The following FGF13 variants were observed in gnomAD, a reference collection of about 807,000 sequenced individuals.
FGF13 encodes the protein fibroblast growth factor homologous factor 2.
In FGF13, 2 loss-of-function variants were observed where a neutral mutation model predicts 19.5. That is an observed-to-expected ratio of 0.10 (90% CI 0.04 to 0.32). FGF13 has a LOEUF of 0.32. Ranked by LOEUF, FGF13 falls within the 10% of genes least tolerant of loss-of-function variation. The probability of loss-of-function intolerance (pLI) is 1.00; values close to 1 mark genes in which losing one functional copy is unlikely to be tolerated. For missense variants in FGF13, 113 were observed against 192.7 expected, an observed-to-expected ratio of 0.59 and a Z score of 2.45; for synonymous variants, 72 against 76.9, an observed-to-expected ratio of 0.94 and a Z score of 0.33.
intron 1 of FGF13, among the ~76,000 whole-genome samples, chrX:138,725,670 T>C: frequency 9.0e-6 from 1 of 111,556 alleles, no homozygotes; most frequent in Admixed American, 9.5e-5. Flanking sequence ...AGTAGAGAAA[T>C]GCCATTTAGG....
intron 1 of FGF13, among the ~76,000 whole-genome samples, chrX:139,058,498 C>T (rs1286564678): frequency 9.0e-6 from 1 of 111,586 alleles, no homozygotes; most frequent in Non-Finnish European, 1.9e-5. Context: ...TCCACAGTCA[C>T]AATTTAGTCA....
intron 3 of FGF13, among the ~76,000 whole-genome samples, chrX:138,803,966 T>C (rs188159821): frequency 0.018 from 2,045 of 111,537 alleles, 25 homozygotes; most frequent in Middle Eastern, 0.028. Flanking sequence ...GGCTTGAAAG[T>C]AAGAAGCAAA....
intron 3 of FGF13, among the ~76,000 whole-genome samples, chrX:138,688,049 G>A (rs147479257): frequency 0.013 from 1,382 of 108,263 alleles, 16 homozygotes; most frequent in African/African-American, 0.044. Flanking sequence ...TCCACCTCCC[G>A]GGTTCAAGTA....
chrX:138,723,087 G>A (rs944044606), intron 1 of FGF13, among the ~76,000 whole-genome samples: 3 of 95,659 alleles, frequency 3.1e-5, no homozygotes, highest in African/African-American at 1.2e-4. Flanking sequence ...GTGGAAGTAG[G>A]ATACTAACTC....
intron 1 of FGF13, among the ~76,000 whole-genome samples, chrX:138,927,723 C>T (rs1452124018): frequency 2.7e-5 from 3 of 111,858 alleles, no homozygotes; most frequent in Non-Finnish European, 5.6e-5. Context: ...ATGGTCTTTA[C>T]CATGGAGAAG....
intron 1 of FGF13, among the ~76,000 whole-genome samples, chrX:139,014,504 T>G (rs1369688307): frequency 9.0e-6 from 1 of 111,162 alleles, no homozygotes; most frequent in East Asian, 2.8e-4. Flanking sequence ...AATGAATCAA[T>G]TCCTAGAAAC....
intron 3 of FGF13, among the ~76,000 whole-genome samples, chrX:138,796,515 A>T (rs2090779677): frequency 8.9e-6 from 1 of 112,011 alleles, no homozygotes; most frequent in South Asian, 3.7e-4. Flanking sequence ...TATTGTAAAT[A>T]GTTCCGTGAT....
At chrX:138,642,212 G>C (rs763085560) in intron 3 of FGF13, among the ~76,000 whole-genome samples, 1 of 102,802 alleles carries the variant, frequency 9.7e-6, no homozygotes, top group Non-Finnish European at 2.0e-5. Flanking sequence ...AAGGGGGAGA[G>C]GGTGAGGGAG....
intron 1 of FGF13, among the ~76,000 whole-genome samples, chrX:138,914,271 G>A (rs757864371): frequency 1.9e-5 from 2 of 103,506 alleles, no homozygotes; most frequent in South Asian, 4.6e-4. Context: ...TGTGCCCCCC[G>A]AGCTGCCATT....
chrX:139,143,221 C>G (rs947941532), intron 1 of FGF13, among the ~76,000 whole-genome samples: 2 of 111,702 alleles, frequency 1.8e-5, no homozygotes, highest in African/African-American at 6.5e-5. Context: ...TCTCTAAGCT[C>G]ATTTGTGTTT....
Position 139,038,737 on chromosome X carries a change from C to A in FGF13, c.-113+164679G>T, listed in dbSNP as rs141183638. On this transcript the variant is annotated intron_variant, in intron 1 of 2. Coordinates refer to the FGF13 transcript ENST00000421460. ...ATTAAACAACCATTATTCTCTAGAACAGCACTGCTTATTTCCCTCATAAAA... is the reference window on the plus strand; with the variant it reads ...ATTAAACAACCATTATTCTCTAGAAAAGCACTGCTTATTTCCCTCATAAAA... Among the ~76,000 whole-genome samples, 1,041 of 111,803 alleles carry A rather than the reference C, an allele frequency of 9.3e-3. 10 individuals carry two copies. The highest frequency in any genetic ancestry group is 0.031 in the African/African-American group (966 of 30,841).
intron 3 of FGF13, among the ~76,000 whole-genome samples, chrX:138,700,373 G>A (rs899449181): frequency 9.0e-6 from 1 of 111,676 alleles, no homozygotes. Flanking sequence ...TGTAGTAGAA[G>A]TGCCATGGTT....
chrX:138,746,347 G>A (rs1433315629), intron 3 of FGF13, among the ~76,000 whole-genome samples: 3 of 110,727 alleles, frequency 2.7e-5, no homozygotes, highest in African/African-American at 9.9e-5. Context: ...GAGGATCTAA[G>A]TTAGCACCTC....
intron 1 of FGF13, among the ~76,000 whole-genome samples, chrX:139,156,753 T>C (rs1272169843): frequency 8.9e-6 from 1 of 112,376 alleles, no homozygotes; most frequent in Non-Finnish European, 1.9e-5. Flanking sequence ...ATGGGGCACA[T>C]ACTTAACATC....
At chrX:138,829,703 G>A (rs2091058126) in intron 3 of FGF13, among the ~76,000 whole-genome samples, 1 of 111,139 alleles carries the variant, frequency 9.0e-6, no homozygotes, top group Admixed American at 9.5e-5. Context: ...GCAGAACCCT[G>A]AGCCAAATAA....
chrX:138,836,824 C>T (rs1398883313), intron 3 of FGF13, among the ~76,000 whole-genome samples: 1 of 110,835 alleles, frequency 9.0e-6, no homozygotes, highest in Non-Finnish European at 1.9e-5. Context: ...TATTATTTCT[C>T]ATCTTTGTGA....
chrX:139,166,094 G>A (rs1018153616), intron 1 of FGF13, among the ~76,000 whole-genome samples: 2 of 111,399 alleles, frequency 1.8e-5, no homozygotes, highest in Non-Finnish European at 3.8e-5. Context: ...TAAAATGTGA[G>A]GACATGAGAT....
chrX:138,680,334 G>A (rs1355834916), intron 3 of FGF13, among the ~76,000 whole-genome samples: 3 of 111,872 alleles, frequency 2.7e-5, no homozygotes, highest in Non-Finnish European at 5.6e-5. Context: ...TCCTTTTCAG[G>A]TTTTCAATTT....
chrX:138,867,833 CATCT>C (rs1556269064), intron 1 of FGF13, among the ~76,000 whole-genome samples: 1 of 99,309 alleles, frequency 1.0e-5, no homozygotes, highest in African/African-American at 3.7e-5. Flanking sequence ...ATCTATCTAT[CATCT>C]ATCTATCTAT....
Sources: gnomAD v4.1 joint callset for allele counts (sites outside exome capture counted in the v4.1 genomes callset) on GRCh38, gnomAD v4.1.1 for gene constraint, MANE v1.5 for transcripts, NCBI Gene and HGNC (gene_info 2026-07-23, HGNC 2026-07-21) for gene names.